CYFIP2: variants seen among roughly 807,000 people sequenced by gnomAD.
CYFIP2 encodes cytoplasmic FMR1 interacting protein 2, also known as cytoplasmic FMR1-interacting protein 2.
Under a neutral mutation model 158.7 loss-of-function variants are expected in CYFIP2, and 29 were observed. The observed-to-expected ratio is 0.18, with a 90% CI of 0.14 to 0.25. The LOEUF (loss-of-function observed/expected upper bound fraction) is 0.25. Among genes scored for constraint, CYFIP2 ranks in the 10% least tolerant of loss-of-function variants. The probability of loss-of-function intolerance (pLI) is 1.00; values close to 1 mark genes in which losing one functional copy is unlikely to be tolerated. For missense variants in CYFIP2, 852 were observed against 1,639.5 expected (o/e 0.52, Z 8.29); for synonymous variants, 585 against 617.6 (o/e 0.95, Z 0.78).
intron 23 of CYFIP2, among the ~76,000 whole-genome samples, chr5:157,353,174 G>A (rs1020199069): frequency 6.6e-6 from 1 of 152,210 alleles, no homozygotes; most frequent in Admixed American, 6.5e-5. Context: ...AATGTGGGCG[G>A]CTGTGACGGA....
intron 23 of CYFIP2, among the ~76,000 whole-genome samples, chr5:157,350,642 T>A (rs926238108): frequency 1.3e-5 from 2 of 152,210 alleles, no homozygotes; most frequent in Non-Finnish European, 2.9e-5. Context: ...TTTAGCATTG[T>A]CTATTCTAGT....
intron 5 of CYFIP2, among the ~76,000 whole-genome samples, chr5:157,298,026 G>T (rs570657429): frequency 1.3e-5 from 2 of 152,354 alleles, no homozygotes; most frequent in South Asian, 2.1e-4. Flanking sequence ...TTGAAGGAAA[G>T]GACTGACTGG....
At chr5:157,330,323 C>T (rs1362893797) in intron 19 of CYFIP2, among the ~76,000 whole-genome samples, 1 of 149,774 alleles carries the variant, frequency 6.7e-6, no homozygotes, top group Non-Finnish European at 1.5e-5. Flanking sequence ...AAACACTATG[C>T]AACTGTTACC....
chr5:157,358,498 A>T (rs1218137676), intron 23 of CYFIP2, among the ~76,000 whole-genome samples: 1 of 152,240 alleles, frequency 6.6e-6, no homozygotes, highest in Non-Finnish European at 1.5e-5. Context: ...CACTCAGCAG[A>T]GATCTCCTGA....
chr5:157,349,686 T>C (rs1361060034), intron 23 of CYFIP2, among the ~76,000 whole-genome samples: 3 of 152,208 alleles, frequency 2.0e-5, no homozygotes, highest in South Asian at 4.1e-4. Context: ...TTAAAGGAAT[T>C]TCCACACTCT....
chr5:157,294,905 T>G, intron 4 of CYFIP2, 45 bp downstream of exon 4: 2 of 1,517,002 alleles, frequency 1.3e-6, no homozygotes, highest in Non-Finnish European at 9.1e-7. Flanking sequence ...CCAGAGGGCA[T>G]TACTAACCCC....
At chr5:157,340,202 T>G (rs560989110) in intron 22 of CYFIP2, among the ~76,000 whole-genome samples, 1 of 152,372 alleles carries the variant, frequency 6.6e-6, no homozygotes, top group East Asian at 1.9e-4. Flanking sequence ...GCATATATAT[T>G]CACATACAAA....
intron 26 of CYFIP2, among the ~76,000 whole-genome samples, chr5:157,379,351 A>G (rs1161742246): frequency 6.6e-6 from 1 of 152,136 alleles, no homozygotes; most frequent in Admixed American, 6.5e-5. Context: ...AAATTACCCC[A>G]TAAATTAAAC....
At chr5:157,344,577 A>T (rs1275321101) in intron 23 of CYFIP2, among the ~76,000 whole-genome samples, 1 of 152,194 alleles carries the variant, frequency 6.6e-6, no homozygotes, top group Non-Finnish European at 1.5e-5. Flanking sequence ...CCGCTTTGAT[A>T]AGAGAGAGCC....
chr5:157,384,632 A>C, intron 28 of CYFIP2: 3 of 406,378 alleles, frequency 7.4e-6, no homozygotes, highest in Non-Finnish European at 1.5e-5. Context: ...CTCCTTCTGA[A>C]AATGGTGATT....
chr5:157,373,367 C>A (rs566860881), intron 26 of CYFIP2, among the ~76,000 whole-genome samples: 1 of 152,274 alleles, frequency 6.6e-6, no homozygotes, highest in South Asian at 2.1e-4. Context: ...AATTCAAGGG[C>A]ACCAAGAACA....
At chr5:157,351,768 A>G (rs960197009) in intron 23 of CYFIP2, among the ~76,000 whole-genome samples, 2 of 152,180 alleles carry the variant, frequency 1.3e-5, no homozygotes, top group Non-Finnish European at 2.9e-5. Flanking sequence ...CTTTGTGATT[A>G]GCTTCCCTTG....
At chr5:157,342,939 G>A in intron 23 of CYFIP2, 1 of 1,614,216 alleles carries the variant, frequency 6.2e-7, no homozygotes, top group Non-Finnish European at 8.5e-7. Context: ...GGGGCATCCT[G>A]GTTGGCTTCG....
intron 1 of CYFIP2, among the ~76,000 whole-genome samples, chr5:157,273,259 C>T (rs1756257588): frequency 6.6e-6 from 1 of 152,192 alleles, no homozygotes; most frequent in Non-Finnish European, 1.5e-5. Context: ...TAGCTCCACC[C>T]CTAACTAGCC....
chr5:157,317,017 C>A (rs922564674), intron 13 of CYFIP2, among the ~76,000 whole-genome samples: 1 of 152,046 alleles, frequency 6.6e-6, no homozygotes, highest in African/African-American at 2.4e-5. Context: ...CATCCTCAAG[C>A]CTATTTAAAG....
At position 157,361,613 on chromosome 5, in the gene CYFIP2, C is replaced by A; in HGVS notation, c.3039+15C>A. On this transcript the variant is annotated intron_variant, in intron 26 of 30. Transcript: ENST00000620254. This position sits in a 1 kb window ranked among gnomAD's most constrained non-coding sequence, Gnocchi z 4.4. ...AGCAAGCTCTGGTAAGTCCAGAGCC[C>A]AAAGGAAGTGGGGTGTCTCCAGGTT... 2 of 1,613,608 alleles carry A rather than the reference C, an allele frequency of 1.2e-6. No individual in the cohort carries two copies. Among genetic ancestry groups the A allele is most frequent in the Non-Finnish European group, 8.5e-7 (1 of 1,179,740 alleles).
intron 17 of CYFIP2, 141 bp downstream of exon 17, chr5:157,325,779 C>A: frequency 1.1e-6 from 1 of 892,452 alleles, no homozygotes; most frequent in Non-Finnish European, 1.6e-6. Flanking sequence ...GAGAGCTCAG[C>A]CAGACAGAAT....
Position 157,328,040 on chromosome 5 carries a change from T to C in CYFIP2, c.2147T>C (p.Met716Thr), listed in dbSNP as rs2113154879. 7.4e-6 allele frequency: 12 copies of C among 1,613,846 alleles called. No homozygotes were observed. Among genetic ancestry groups the C allele is most frequent in the Non-Finnish European group, 1.0e-5 (12 of 1,179,818 alleles). ...ADQIFAYYKA[M>T]AGSVLLDKRF... ...CAGATCTTTGCTTACTACAAAGCCATGGCTGGCAGGTAGGAAAGCCCCAGA... is the reference window on the plus strand; with the variant it reads ...CAGATCTTTGCTTACTACAAAGCCACGGCTGGCAGGTAGGAAAGCCCCAGA... Residue 716 changes from methionine to threonine, a missense_variant, in exon 19 of 31, where the codon ATG (methionine) becomes ACG (threonine). Coordinates refer to ENST00000620254, the MANE Select transcript of CYFIP2 (RefSeq NM_001037333.3).
chr5:157,319,641 A>G lies in CYFIP2; in HGVS notation c.1357-121A>G, dbSNP rs566741271. The G allele has an allele frequency of 8.0e-5, 97 of 1,211,718 alleles. No homozygotes were observed. In the Middle Eastern group the frequency reaches 2.3e-3, roughly 29 times the overall value. 75.1% of individuals were successfully genotyped at this position (1,211,718 alleles called of 1,614,324 possible). A position where few individuals can be genotyped will look rare whatever the true frequency, so the allele number is the denominator to read the frequency against. On this transcript the variant is annotated intron_variant, in intron 13 of 30. Transcript: ENST00000620254. The stretch of plus-strand genomic sequence containing the variant: ...CTAGCCATGCGCTGGCACTTTGAGT[A>G]GCACTGGCCTCATGCCTCTGGACAT...
Sources: gnomAD v4.1 joint callset for allele counts (sites outside exome capture counted in the v4.1 genomes callset) on GRCh38, gnomAD v4.1.1 for gene constraint, Gnocchi (gnomAD v3.1) non-coding constraint, MANE v1.5 for transcripts, NCBI Gene and HGNC (gene_info 2026-07-23, HGNC 2026-07-21) for gene names.